LRRC4C: variants seen among roughly 807,000 people sequenced by gnomAD.
LRRC4C encodes the protein leucine rich repeat containing 4C.
LRRC4C carries 5 observed loss-of-function variants against 33.6 expected under a neutral mutation model. That is an observed-to-expected ratio of 0.15 (90% CI 0.08 to 0.31). LRRC4C has a LOEUF of 0.31. Ranked by LOEUF, LRRC4C falls within the 10% of genes least tolerant of loss-of-function variation. The pLI is 1.00. For missense variants in LRRC4C, 560 were observed against 796.7 expected (o/e 0.70, Z 3.58); for synonymous variants, 329 against 302.0 (o/e 1.09, Z -0.93).
intron 2 of LRRC4C, among the ~76,000 whole-genome samples, chr11:40,901,583 T>G (rs988967842): frequency 3.9e-5 from 6 of 152,054 alleles, no homozygotes; most frequent in Non-Finnish European, 8.8e-5. Context: ...AAATTACTGA[T>G]GGTTATTACC....
chr11:40,927,860 A>G (rs1469287894), intron 2 of LRRC4C, among the ~76,000 whole-genome samples: 2 of 152,208 alleles, frequency 1.3e-5, no homozygotes, highest in East Asian at 3.8e-4. Flanking sequence ...CTGCTGAATT[A>G]CTGGGGAGAG....
intron 1 of LRRC4C, among the ~76,000 whole-genome samples, chr11:41,433,746 A>G (rs188955521): frequency 1.3e-5 from 2 of 151,948 alleles, no homozygotes; most frequent in South Asian, 2.1e-4. Context: ...CAGACGGCCT[A>G]TTGTGGGACC....
chr11:40,170,735 T>G (rs1288744302), intron 5 of LRRC4C, among the ~76,000 whole-genome samples: 1 of 152,232 alleles, frequency 6.6e-6, no homozygotes, highest in Admixed American at 6.5e-5. Context: ...GGTGAGAGTT[T>G]ACCTGTGAAT....
chr11:40,787,267 G>GT (rs956063138), intron 2 of LRRC4C, among the ~76,000 whole-genome samples: 1 of 152,070 alleles, frequency 6.6e-6, no homozygotes, highest in Non-Finnish European at 1.5e-5. Flanking sequence ...CAACTGGGGG[G>GT]GGTAGGGGGA....
chr11:41,113,698 G>A (rs1245893788), intron 1 of LRRC4C, among the ~76,000 whole-genome samples: 1 of 151,928 alleles, frequency 6.6e-6, no homozygotes, highest in Non-Finnish European at 1.5e-5. Flanking sequence ...TCAGCACCAA[G>A]TTTTCTTGAG....
intron 5 of LRRC4C, among the ~76,000 whole-genome samples, chr11:40,241,026 C>T (rs180677214): frequency 3.1e-4 from 47 of 152,196 alleles, no homozygotes; most frequent in Admixed American, 2.9e-3. Flanking sequence ...GTTGTTTAGG[C>T]ATAAAAATAT....
At chr11:40,394,747 TAG>T (rs1164345988) in intron 3 of LRRC4C, among the ~76,000 whole-genome samples, 1 of 152,228 alleles carries the variant, frequency 6.6e-6, no homozygotes, top group East Asian at 1.9e-4. Context: ...GTAGAAGTGA[TAG>T]AGAGAAGCAA....
chr11:40,800,373 G>A (rs1950992330), intron 2 of LRRC4C, among the ~76,000 whole-genome samples: 1 of 152,126 alleles, frequency 6.6e-6, no homozygotes, highest in Non-Finnish European at 1.5e-5. Flanking sequence ...GTTTGAGGGG[G>A]AATTCAATGG....
At chr11:40,329,902 C>T (rs532605618) in intron 3 of LRRC4C, among the ~76,000 whole-genome samples, 31 of 152,008 alleles carry the variant, frequency 2.0e-4, no homozygotes, top group South Asian at 1.0e-3. Context: ...CCAACACACC[C>T]GGCTAATTTT....
At chr11:40,687,952 A>G (rs1226465534) in intron 2 of LRRC4C, among the ~76,000 whole-genome samples, 1 of 151,622 alleles carries the variant, frequency 6.6e-6, no homozygotes, top group Non-Finnish European at 1.5e-5. Flanking sequence ...TACCTGGATA[A>G]ACAATATTTA....
chr11:40,766,247 A>T (rs1416634602), intron 2 of LRRC4C, among the ~76,000 whole-genome samples: 1 of 151,398 alleles, frequency 6.6e-6, no homozygotes, highest in Admixed American at 6.6e-5. Flanking sequence ...ATAACTTTCA[A>T]ACATGAGAGG....
At chr11:40,551,393 C>T (rs552371192) in intron 3 of LRRC4C, among the ~76,000 whole-genome samples, 1 of 152,124 alleles carries the variant, frequency 6.6e-6, no homozygotes, top group South Asian at 2.1e-4. Context: ...TACTATTAAG[C>T]TCCTTTTATG....
intron 5 of LRRC4C, among the ~76,000 whole-genome samples, chr11:40,177,357 A>G (rs1860594044): frequency 6.6e-6 from 1 of 152,328 alleles, no homozygotes; most frequent in African/African-American, 2.4e-5. Context: ...AGGTAAAAGC[A>G]TGAATACATC....
chr11:41,117,487 G>A (rs1232096891), intron 1 of LRRC4C, among the ~76,000 whole-genome samples: 3 of 152,046 alleles, frequency 2.0e-5, no homozygotes, highest in Admixed American at 2.0e-4. Flanking sequence ...TAGCAACTAT[G>A]CAATTTTATT....
chr11:41,016,074 A>C (rs1440237153), intron 1 of LRRC4C, among the ~76,000 whole-genome samples: 1 of 152,140 alleles, frequency 6.6e-6, no homozygotes, highest in Non-Finnish European at 1.5e-5. Flanking sequence ...TTTTCAAAGA[A>C]AAAAAGGAGG....
chr11:41,093,008 A>G (rs1010709302), intron 1 of LRRC4C, among the ~76,000 whole-genome samples: 1 of 152,248 alleles, frequency 6.6e-6, no homozygotes, highest in African/African-American at 2.4e-5. Flanking sequence ...TTTCTAGAAC[A>G]TAGTGTATAT....
intron 1 of LRRC4C, among the ~76,000 whole-genome samples, chr11:41,322,710 A>G (rs1950994499): frequency 6.6e-6 from 1 of 152,194 alleles, no homozygotes; most frequent in South Asian, 2.1e-4. Flanking sequence ...TAATACATTA[A>G]AGTGTATCTT....
At chr11:40,739,011 G>A (rs566196094) in intron 2 of LRRC4C, among the ~76,000 whole-genome samples, 58,521 of 147,948 alleles carry the variant, frequency 0.4, 11,814 homozygotes, top group Middle Eastern at 0.47. Context: ...TTGCTATTGT[G>A]TGTGTGTGTG....
chr11:40,985,096 G>A (rs1565272123), intron 1 of LRRC4C, among the ~76,000 whole-genome samples: 1 of 151,452 alleles, frequency 6.6e-6, no homozygotes, highest in Non-Finnish European at 1.5e-5. Flanking sequence ...AGACAAGCAG[G>A]GGGAGGAGAC....
Sources: gnomAD v4.1 joint callset for allele counts (sites outside exome capture counted in the v4.1 genomes callset) on GRCh38, gnomAD v4.1.1 for gene constraint, MANE v1.5 for transcripts, NCBI Gene and HGNC (gene_info 2026-07-23, HGNC 2026-07-21) for gene names.